Variants in PCDHA13 observed in about 807,000 individuals in gnomAD.
PCDHA13 encodes protocadherin alpha-13.
A neutral mutation model predicts 64.8 loss-of-function variants in PCDHA13; 54 were observed. The ratio of observed to expected loss-of-function variants is 0.83; its 90% CI spans 0.67 to 1.04. The LOEUF is 1.04. Among genes scored for constraint, PCDHA13 ranks in the 50% least tolerant of loss-of-function variants. The probability of loss-of-function intolerance (pLI) is 0.00; values close to 1 mark genes in which losing one functional copy is unlikely to be tolerated. For synonymous variants in PCDHA13, 587 were observed against 564.4 expected (o/e 1.04, Z -0.57); for missense variants, 1,248 against 1,254.3 (o/e 0.99, Z 0.08).
At chr5:141,004,192 C>G (rs2098157863) in intron 3 of PCDHA13, among the ~76,000 whole-genome samples, 1 of 152,192 alleles carries the variant, frequency 6.6e-6, no homozygotes, top group African/African-American at 2.4e-5. Flanking sequence ...TGCTCTTAAC[C>G]AAAAGGAATT....
chr5:141,010,408 A>G lies in PCDHA13; in HGVS notation c.*471A>G. 1 of 1,251,364 alleles carries G rather than the reference A, an allele frequency of 8.0e-7. No homozygotes were observed. Among genetic ancestry groups the G allele is most frequent in the Non-Finnish European group, 1.1e-6 (1 of 926,828 alleles). 77.5% of individuals were successfully genotyped at this position (1,251,364 alleles called of 1,614,324 possible). ...GGCTGAGACGAGCCAGCTTAGACTA[A>G]TTGGTACAAGGAAGGCAAGAAAACA... On this transcript the variant is annotated 3_prime_UTR_variant, in exon 4 of 4. Transcript: ENST00000289272.
rs1310366696 is a variant in PCDHA13 at position 140,890,210 on chromosome 5, T to A, written c.2394+5548T>A. Among the ~76,000 whole-genome samples the A allele has an allele frequency of 5.3e-5, 8 of 152,148 alleles. 1 individual carries two copies. Among genetic ancestry groups the A allele is most frequent in the Admixed American group, 3.3e-4 (5 of 15,270 alleles). On this transcript the variant is annotated intron_variant, in intron 1 of 3. Coordinates refer to ENST00000289272, the MANE Select transcript of PCDHA13 (RefSeq NM_018904.3). ...AACAGAGTTTTTTGTTTTTCTTTTT[T>A]CCCAGAGACCTAGTTGTTAAGCATT... is the stretch of plus-strand genomic sequence containing the variant.
chr5:140,905,048 C>A (rs2153487978), intron 1 of PCDHA13, among the ~76,000 whole-genome samples: 1 of 152,186 alleles, frequency 6.6e-6, no homozygotes, highest in African/African-American at 2.4e-5. Flanking sequence ...TAATTAGGTC[C>A]CATTTATTTA....
chr5:140,886,705 A>T (rs1293719338), intron 1 of PCDHA13, among the ~76,000 whole-genome samples: 3 of 152,058 alleles, frequency 2.0e-5, no homozygotes, highest in Non-Finnish European at 2.9e-5. Flanking sequence ...ACGCGCCTGT[A>T]ATCCCAGCTA....
chr5:140,952,471 A>AAAGT (rs1205705150), intron 1 of PCDHA13, among the ~76,000 whole-genome samples: 2 of 152,204 alleles, frequency 1.3e-5, no homozygotes, highest in Non-Finnish European at 2.9e-5. Context: ...AAGCATAAGG[A>AAAGT]AAGTGACATT....
chr5:140,908,904 G>A (rs1467772032), intron 1 of PCDHA13, among the ~76,000 whole-genome samples: 2 of 152,194 alleles, frequency 1.3e-5, no homozygotes, highest in Non-Finnish European at 1.5e-5. Flanking sequence ...AGCCTCTTTC[G>A]TGGTTGTAGG....
At chr5:140,958,139 A>T (rs1196467618) in intron 1 of PCDHA13, among the ~76,000 whole-genome samples, 2 of 152,112 alleles carry the variant, frequency 1.3e-5, no homozygotes, top group African/African-American at 2.4e-5. Context: ...CAGTGTGTAT[A>T]TTTATATAGC....
At chr5:141,004,391 G>A (rs62384511) in intron 3 of PCDHA13, among the ~76,000 whole-genome samples, 4 of 152,342 alleles carry the variant, frequency 2.6e-5, no homozygotes, top group East Asian at 3.9e-4. Flanking sequence ...AGCTGGACAT[G>A]TGGAGGAGGC....
chr5:140,915,882 C>T lies in PCDHA13; in HGVS notation c.2394+31220C>T, dbSNP rs181276676. Among the ~76,000 whole-genome samples, 3 of 152,314 alleles carry T rather than the reference C, an allele frequency of 2.0e-5. No homozygotes were observed. In the East Asian group the frequency reaches 5.8e-4, roughly 29 times the overall value. ...GTTTGCATCCTTCCCTTTAGGGTAG[C>T]AAGTTCCCCCTGGCCCTGGGCAGGC... On this transcript the variant is annotated intron_variant, in intron 1 of 3. Coordinates refer to ENST00000289272, the MANE Select transcript of PCDHA13 (RefSeq NM_018904.3).
At chr5:140,906,502 C>G (rs182726471) in intron 1 of PCDHA13, among the ~76,000 whole-genome samples, 2 of 152,298 alleles carry the variant, frequency 1.3e-5, no homozygotes, top group African/African-American at 4.8e-5. Context: ...ATGTTTTTAA[C>G]AAAGAAGGAG....
chr5:140,986,656 C>T (rs141575317), intron 3 of PCDHA13, among the ~76,000 whole-genome samples: 2 of 152,290 alleles, frequency 1.3e-5, no homozygotes, highest in East Asian at 1.9e-4. Context: ...GTGGGAGATG[C>T]TCACAGTTTT....
chr5:140,983,746 T>A (rs1206745225), intron 3 of PCDHA13, among the ~76,000 whole-genome samples: 2 of 152,228 alleles, frequency 1.3e-5, no homozygotes, highest in East Asian at 3.8e-4. Flanking sequence ...CTTGCAATAA[T>A]CCATTCAAAT....
intron 1 of PCDHA13, among the ~76,000 whole-genome samples, chr5:140,973,273 C>T (rs1180418925): frequency 6.6e-6 from 1 of 152,150 alleles, no homozygotes; most frequent in Non-Finnish European, 1.5e-5. Context: ...ACTTTTATTT[C>T]CCCCAGCACT....
chr5:141,005,164 G>T (rs782398186), intron 3 of PCDHA13, among the ~76,000 whole-genome samples: 1 of 152,178 alleles, frequency 6.6e-6, no homozygotes, highest in Non-Finnish European at 1.5e-5. Context: ...TAAAGAGTGG[G>T]TACCACTTTC....
chr5:140,887,857 G>A lies in PCDHA13; in HGVS notation c.2394+3195G>A, dbSNP rs139840938. Among the ~76,000 whole-genome samples the A allele has an allele frequency of 2.6e-3, 395 of 152,084 alleles. 2 individuals carry two copies. The highest frequency in any genetic ancestry group is 9.3e-3 in the African/African-American group (384 of 41,488). ...TATCTTTTATTGACATATTTTCCAAGTTCACTAATTTTTCCTTTTGTAGTA... is the reference window on the plus strand; with the variant it reads ...TATCTTTTATTGACATATTTTCCAAATTCACTAATTTTTCCTTTTGTAGTA... On this transcript the variant is annotated intron_variant, in intron 1 of 3. Coordinates refer to ENST00000289272, the MANE Select transcript of PCDHA13 (RefSeq NM_018904.3).
At chr5:141,008,126 G>A (rs2098361949) in intron 3 of PCDHA13, among the ~76,000 whole-genome samples, 1 of 152,178 alleles carries the variant, frequency 6.6e-6, no homozygotes, top group African/African-American at 2.4e-5. Context: ...TCAAGAAGGG[G>A]ATGACAAATG....
chr5:140,958,495 C>T (rs559117374), intron 1 of PCDHA13, among the ~76,000 whole-genome samples: 1 of 152,138 alleles, frequency 6.6e-6, no homozygotes, highest in African/African-American at 2.4e-5. Context: ...TCCACATATC[C>T]TAGGAGGCAT....
chr5:140,998,003 T>C (rs2097793100), intron 3 of PCDHA13, among the ~76,000 whole-genome samples: 1 of 152,134 alleles, frequency 6.6e-6, no homozygotes, highest in Admixed American at 6.6e-5. Context: ...CCTCTGAGCC[T>C]TCCATCCCCA....
chr5:140,998,491 A>G (rs994652769), intron 3 of PCDHA13, among the ~76,000 whole-genome samples: 15 of 152,288 alleles, frequency 9.8e-5, no homozygotes, highest in African/African-American at 3.1e-4. Flanking sequence ...TAACTCTTTG[A>G]GAACAGGGTA....
Sources: gnomAD v4.1 joint callset for allele counts (sites outside exome capture counted in the v4.1 genomes callset) on GRCh38, gnomAD v4.1.1 for gene constraint, MANE v1.5 for transcripts, NCBI Gene and HGNC (gene_info 2026-07-23, HGNC 2026-07-21) for gene names.